The following PLEKHM2 variants were observed in gnomAD, a reference collection of about 807,000 sequenced individuals.
PLEKHM2 encodes the protein pleckstrin homology and RUN domain containing M2.
PLEKHM2 carries 77 observed loss-of-function variants against 116.3 expected under a neutral mutation model. The ratio of observed to expected loss-of-function variants is 0.66; its 90% CI spans 0.55 to 0.80. The LOEUF (loss-of-function observed/expected upper bound fraction) is 0.80, where lower values mean the gene tolerates loss of function less well. Among genes scored for constraint, PLEKHM2 ranks in the 30% least tolerant of loss-of-function variants. The pLI is 0.00. For missense variants in PLEKHM2, 1,183 were observed against 1,354.9 expected (o/e 0.87, Z 1.99); for synonymous variants, 562 against 571.0 (o/e 0.98, Z 0.22).
intron 1 of PLEKHM2, among the ~76,000 whole-genome samples, chr1:15,684,985 G>A (rs1640738688): frequency 6.6e-6 from 1 of 152,176 alleles, no homozygotes; most frequent in Non-Finnish European, 1.5e-5. Context: ...GCATCCCCGG[G>A]TCCCCCCGCC....
Position 15,728,614 on chromosome 1 carries a change from G to A in PLEKHM2, c.1922-55G>A. On this transcript the variant is annotated intron_variant, in intron 11 of 19. Coordinates refer to ENST00000375799, the MANE Select transcript of PLEKHM2 (RefSeq NM_015164.4). This position sits in a 1 kb window ranked among gnomAD's most constrained non-coding sequence, Gnocchi z 5.9. Reference sequence around the variant, plus strand: ...GGGCTGTGTCTAAGAAAATGGGGCAGGGGGAGGGAAAAGAGGCCTGTGGGG... The same window carrying A: ...GGGCTGTGTCTAAGAAAATGGGGCAAGGGGAGGGAAAAGAGGCCTGTGGGG... 3 of 1,472,266 alleles carry A rather than the reference G, an allele frequency of 2.0e-6. No homozygotes were observed. The highest frequency in any genetic ancestry group is 2.8e-6 in the Non-Finnish European group (3 of 1,067,602). The allele number at this position is 1,472,266 out of a possible 1,614,324, so 91.2% of individuals were successfully genotyped here. A position where few individuals can be genotyped will look rare whatever the true frequency, so the allele number is the denominator to read the frequency against.
intron 1 of PLEKHM2, among the ~76,000 whole-genome samples, chr1:15,708,312 G>T (rs1641265650): frequency 6.6e-6 from 1 of 151,822 alleles, no homozygotes; most frequent in Non-Finnish European, 1.5e-5. Flanking sequence ...CACCTCCCTG[G>T]TTCAAGCAGT....
chr1:15,697,350 C>T (rs774428725), intron 1 of PLEKHM2, among the ~76,000 whole-genome samples: 2 of 152,204 alleles, frequency 1.3e-5, no homozygotes, highest in Non-Finnish European at 2.9e-5. Flanking sequence ...GGCAGAACCT[C>T]TTAGCAGTTT....
Position 15,721,474 on chromosome 1 carries a change from A to C in PLEKHM2, c.712+86A>C. 1.3e-6 allele frequency: 1 copy of C among 753,282 alleles called. No individual in the cohort carries two copies. Among genetic ancestry groups the C allele is most frequent in the Non-Finnish European group, 2.2e-6 (1 of 448,704 alleles). 46.7% of individuals were successfully genotyped at this position (753,282 alleles called of 1,614,324 possible). Reference sequence around the variant, plus strand: ...GCTGCATGTATCAAATCAGCTCCTTATTATTTATAATAATATCCATAATCA... The same window carrying C: ...GCTGCATGTATCAAATCAGCTCCTTCTTATTTATAATAATATCCATAATCA... On this transcript the variant is annotated intron_variant, in intron 7 of 19. Coordinates refer to ENST00000375799, the MANE Select transcript of PLEKHM2 (RefSeq NM_015164.4). This position sits in a 1 kb window ranked among gnomAD's most constrained non-coding sequence, Gnocchi z 5.1.
chr1:15,709,862 A>C (rs1229275551), intron 1 of PLEKHM2, among the ~76,000 whole-genome samples: 1 of 152,174 alleles, frequency 6.6e-6, no homozygotes. Context: ...AAAAGACTCC[A>C]TGTTCCTGGA....
chr1:15,725,295 T>G lies in PLEKHM2; in HGVS notation c.713-22T>G, dbSNP rs568558153. 19 of 1,531,722 alleles carry G rather than the reference T, an allele frequency of 1.2e-5. No individual in the cohort carries two copies. The Admixed American group carries it at 2.9e-4, about 24-fold the overall frequency. The allele number at this position is 1,531,722 out of a possible 1,614,324, so 94.9% of individuals were successfully genotyped here. A position where few individuals can be genotyped will look rare whatever the true frequency, so the allele number is the denominator to read the frequency against. On this transcript the variant is annotated intron_variant, in intron 7 of 19. Coordinates refer to ENST00000375799, the MANE Select transcript of PLEKHM2 (RefSeq NM_015164.4). ...CCCGGGGGGTGCCTGACAGGGTGTC[T>G]CCTGCTTCCTTGTCCTCCCAGATGG...
At chr1:15,687,702 C>T (rs1640801870) in intron 1 of PLEKHM2, among the ~76,000 whole-genome samples, 1 of 152,162 alleles carries the variant, frequency 6.6e-6, no homozygotes, top group East Asian at 1.9e-4. Context: ...TTTTCTGAAT[C>T]AGAGTGTCTG....
At chr1:15,732,903 A>G (rs965825150) in intron 19 of PLEKHM2, among the ~76,000 whole-genome samples, 175 bp downstream of exon 19, 1 of 152,172 alleles carries the variant, frequency 6.6e-6, no homozygotes, top group Non-Finnish European at 1.5e-5. Flanking sequence ...TGCTGCTCTT[A>G]AAACAAACCC....
In PLEKHM2 at chr1:15,734,116, G is replaced by A. The variant is rs150699153; in HGVS notation, c.*182G>A. 762 of 641,518 alleles carry A rather than the reference G, an allele frequency of 1.2e-3. 6 individuals carry two copies. In the East Asian group the frequency reaches 0.021, roughly 17 times the overall value. The allele number at this position is 641,518 out of a possible 1,614,324, so 39.7% of individuals were successfully genotyped here. On this transcript the variant is annotated 3_prime_UTR_variant, in exon 20 of 20. Transcript: ENST00000375799. ...CTCCAGGGATCCAGATCAGGTGCCC[G>A]GCACCCCTGGGCATCCTGCCCGACA...
At chr1:15,714,993 G>C (rs1181015419) in intron 1 of PLEKHM2, among the ~76,000 whole-genome samples, 1 of 152,212 alleles carries the variant, frequency 6.6e-6, no homozygotes, top group African/African-American at 2.4e-5. Context: ...TCACCAGCCT[G>C]GTGGGGTTTG....
intron 1 of PLEKHM2, among the ~76,000 whole-genome samples, chr1:15,703,081 G>C (rs536539925): frequency 1.3e-5 from 2 of 152,310 alleles, no homozygotes; most frequent in East Asian, 3.9e-4. Context: ...GACCTGTCCT[G>C]CTGAGGCTCT....
chr1:15,725,052 G>A (rs113129710), intron 7 of PLEKHM2, among the ~76,000 whole-genome samples: 6 of 152,176 alleles, frequency 3.9e-5, no homozygotes, highest in Non-Finnish European at 8.8e-5. Context: ...CACCGCGGGG[G>A]CCCTTAACAC....
At chr1:15,693,778 G>C (rs1249336101) in intron 1 of PLEKHM2, among the ~76,000 whole-genome samples, 1 of 152,238 alleles carries the variant, frequency 6.6e-6, no homozygotes, top group Admixed American at 6.5e-5. Flanking sequence ...CATTGAGTAA[G>C]AGGCAGAGTG....
chr1:15,695,213 C>T (rs192424017), intron 1 of PLEKHM2, among the ~76,000 whole-genome samples: 12 of 152,292 alleles, frequency 7.9e-5, no homozygotes, highest in African/African-American at 2.9e-4. Context: ...TTCTGAGAAA[C>T]CCAATATTAT....
upstream of PLEKHM2, among the ~76,000 whole-genome samples, chr1:15,684,101 G>A (rs935483689): frequency 1.1e-4 from 16 of 151,374 alleles, no homozygotes; most frequent in African/African-American, 3.9e-4. Context: ...CCCGGCAGGC[G>A]GGGTCGAGGT....
chr1:15,688,922 C>A (rs1456877853), intron 1 of PLEKHM2, among the ~76,000 whole-genome samples: 2 of 151,976 alleles, frequency 1.3e-5, no homozygotes, highest in Non-Finnish European at 2.9e-5. Flanking sequence ...GCTGCATATG[C>A]CTGCAGAATG....
At chr1:15,717,576 C>T (rs1391267287) in intron 3 of PLEKHM2, among the ~76,000 whole-genome samples, 4 of 152,206 alleles carry the variant, frequency 2.6e-5, no homozygotes, top group Non-Finnish European at 5.9e-5. Flanking sequence ...AGCCTGAGCA[C>T]GTGCTATGGA....
rs2068104473 is a variant in PLEKHM2 at position 15,729,066 on chromosome 1, A to C, written c.1987-36A>C. 6.4e-7 allele frequency: 1 copy of C among 1,573,338 alleles called. No homozygotes were observed. The highest frequency in any genetic ancestry group is 8.7e-7 in the Non-Finnish European group (1 of 1,155,336). On this transcript the variant is annotated intron_variant, in intron 12 of 19. Coordinates refer to ENST00000375799, the MANE Select transcript of PLEKHM2 (RefSeq NM_015164.4). This position sits in a 1 kb window ranked among gnomAD's most constrained non-coding sequence, Gnocchi z 4.7. Reference sequence around the variant, plus strand: ...TGCCTTCTCCGCCAGGCAGCAGCTAAGCCCCAAGTGCATGTCACGGTGTGG... The same window carrying C: ...TGCCTTCTCCGCCAGGCAGCAGCTACGCCCCAAGTGCATGTCACGGTGTGG...
At position 15,732,579 on chromosome 1, in the gene PLEKHM2, T is replaced by C. The variant is rs754727275; in HGVS notation, c.2806-33T>C. ...TGCAAGGCCTGCAGAAGGAAAGCTC[T>C]GGCTGCTCACCCGGGGGCCTGGCTC... On this transcript the variant is annotated intron_variant, in intron 18 of 19. Coordinates refer to ENST00000375799, the MANE Select transcript of PLEKHM2 (RefSeq NM_015164.4). 21 of 1,600,578 alleles carry C rather than the reference T, an allele frequency of 1.3e-5. No individual in the cohort carries two copies. The African/African-American group carries it at 1.7e-4, about 13-fold the overall frequency.
Sources: allele counts gnomAD v4.1 joint callset (sites outside exome capture counted in the v4.1 genomes callset), GRCh38; gene constraint gnomAD v4.1.1; non-coding constraint Gnocchi (gnomAD v3.1); transcripts MANE v1.5; gene names NCBI Gene and HGNC (gene_info 2026-07-23, HGNC 2026-07-21).